The following PRKAG2 variants were observed in gnomAD, a reference collection of about 807,000 sequenced individuals.
The protein encoded by PRKAG2 is protein kinase AMP-activated non-catalytic subunit gamma 2, also known as 5'-AMP-activated protein kinase subunit gamma-2.
PRKAG2 carries 26 observed loss-of-function variants against 69.6 expected under a neutral mutation model. That is an observed-to-expected ratio of 0.37 (90% CI 0.27 to 0.52). The LOEUF (loss-of-function observed/expected upper bound fraction) is 0.52. Ranked by LOEUF, PRKAG2 falls within the 20% of genes least tolerant of loss-of-function variation. PRKAG2 has a pLI of 0.90. For synonymous variants in PRKAG2, 293 were observed against 285.0 expected (o/e 1.03, Z -0.28); for missense variants, 557 against 740.0 (o/e 0.75, Z 2.87).
rs116605521 is a variant in PRKAG2, at chr7:151,876,562, C to T, written c.59G>A (p.Ser20Asn). ...CTGGCTGGCATTTTTCTTGCCGCCG[C>T]TCCCGCCGGGGCTGGAAACATCTTT... is the stretch of plus-strand genomic sequence containing the variant. Reference protein sequence around the residue: ...KKKDVSSPGGSGGKKNASQKR... With the variant: ...KKKDVSSPGGNGGKKNASQKR... Residue 20 changes from serine (S) to asparagine (N), a missense_variant, in exon 1 of 16, where the codon AGC becomes AAC. By Grantham distance (46) the Ser-to-Asn change is conservative. Coordinates refer to ENST00000287878, the MANE Select transcript of PRKAG2 (RefSeq NM_016203.4). 6.2e-7 allele frequency: 1 copy of T among 1,610,380 alleles called. No individual in the cohort carries two copies. The highest frequency in any genetic ancestry group is 8.5e-7 in the Non-Finnish European group (1 of 1,179,974).
At chr7:151,586,545 T>C (rs778731481) in intron 6 of PRKAG2, among the ~76,000 whole-genome samples, 58 of 152,368 alleles carry the variant, frequency 3.8e-4, no homozygotes, top group Non-Finnish European at 6.2e-4. Flanking sequence ...TGCTAGAATG[T>C]GATTCATCTG....
rs2079535142 is a variant in PRKAG2, at chr7:151,850,194, G to A, written c.114+26313C>T. On this transcript the variant is annotated intron_variant, in intron 1 of 15. Transcript: ENST00000287878. The surrounding 1 kb of genome is among the most constrained non-coding windows in gnomAD (Gnocchi z 4.1). ...CCGTAGCACCAATTACCCATAGTGG[G>A]CACATCAAATGATTACACAGGGACA... 1.3e-5 allele frequency among the ~76,000 whole-genome samples: 2 copies of A among 152,162 alleles called. No homozygotes were observed. The highest frequency in any genetic ancestry group is 4.8e-5 in the African/African-American group (2 of 41,434).
At chr7:151,867,312 T>G (rs1187864664) in intron 1 of PRKAG2, among the ~76,000 whole-genome samples, 1 of 152,184 alleles carries the variant, frequency 6.6e-6, no homozygotes, top group Non-Finnish European at 1.5e-5. Context: ...ACAGAATGGA[T>G]TCTCTCATTG....
intron 3 of PRKAG2, among the ~76,000 whole-genome samples, chr7:151,686,197 G>A (rs988554015): frequency 2.0e-5 from 3 of 152,186 alleles, no homozygotes; most frequent in South Asian, 2.1e-4. Context: ...GATCCTGACC[G>A]ATGGGGCCAG....
chr7:151,752,563 A>T (rs1412783730), intron 3 of PRKAG2, among the ~76,000 whole-genome samples: 1 of 152,192 alleles, frequency 6.6e-6, no homozygotes, highest in African/African-American at 2.4e-5. Context: ...CCCCAAACCT[A>T]AAATAAAAAT....
chr7:151,832,794 T>C (rs960347981), intron 1 of PRKAG2, among the ~76,000 whole-genome samples: 2 of 151,958 alleles, frequency 1.3e-5, no homozygotes, highest in African/African-American at 4.8e-5. Flanking sequence ...CCCTCTTCTC[T>C]AGGTAATAAA....
intron 1 of PRKAG2, among the ~76,000 whole-genome samples, chr7:151,827,092 T>C (rs546467761): frequency 7.1e-4 from 108 of 152,350 alleles, no homozygotes; most frequent in Middle Eastern, 3.4e-3. Context: ...TGCAGACCAC[T>C]GGCTCTCAAC....
At chr7:151,730,050 A>G (rs568610197) in intron 3 of PRKAG2, among the ~76,000 whole-genome samples, 1 of 152,206 alleles carries the variant, frequency 6.6e-6, no homozygotes, top group Non-Finnish European at 1.5e-5. Context: ...GGCTTAGAAG[A>G]GACAGTTTCA....
At chr7:151,846,671 C>G (rs755990467) in intron 1 of PRKAG2, among the ~76,000 whole-genome samples, 3 of 152,008 alleles carry the variant, frequency 2.0e-5, no homozygotes, top group Non-Finnish European at 4.4e-5. Flanking sequence ...GGTGTGTATG[C>G]GTGTGCATGT....
chr7:151,735,943 AT>A (rs1289703146), intron 3 of PRKAG2: 1 of 1,536,150 alleles, frequency 6.5e-7, no homozygotes, highest in Admixed American at 2.0e-5. Context: ...CCGTGCTTCG[AT>A]TTTGGTCCTT....
At chr7:151,704,744 C>A (rs555238557) in intron 3 of PRKAG2, among the ~76,000 whole-genome samples, 83 of 152,318 alleles carry the variant, frequency 5.4e-4, no homozygotes, top group African/African-American at 1.8e-3. Flanking sequence ...CTGCAATCCA[C>A]GCGGCACCTA....
At chr7:151,683,111 C>T (rs1834133769) in intron 3 of PRKAG2, among the ~76,000 whole-genome samples, 2 of 152,234 alleles carry the variant, frequency 1.3e-5, no homozygotes, top group African/African-American at 2.4e-5. Flanking sequence ...GCAGCCAGGC[C>T]CAGTGAACAG....
At chr7:151,697,657 A>G (rs56765232) in intron 3 of PRKAG2, among the ~76,000 whole-genome samples, 94,216 of 151,928 alleles carry the variant, frequency 0.62, 30,231 homozygotes, top group African/African-American at 0.79. Context: ...ATAACCCCTT[A>G]GCTGTGGGGG....
intron 4 of PRKAG2, among the ~76,000 whole-genome samples, chr7:151,651,325 G>T (rs915725372): frequency 6.6e-6 from 1 of 152,120 alleles, no homozygotes; most frequent in African/African-American, 2.4e-5. Context: ...TACAAGATAG[G>T]GCTGGGCACG....
At chr7:151,626,246 T>A (rs1004407874) in intron 5 of PRKAG2, among the ~76,000 whole-genome samples, 1 of 152,178 alleles carries the variant, frequency 6.6e-6, no homozygotes, top group African/African-American at 2.4e-5. Context: ...GTCAGGGATC[T>A]TCCGGTGACA....
intron 1 of PRKAG2, among the ~76,000 whole-genome samples, chr7:151,852,582 G>A (rs1376502892): frequency 6.6e-6 from 1 of 152,002 alleles, no homozygotes; most frequent in Admixed American, 6.6e-5. Flanking sequence ...CCTGTAGGGG[G>A]GCATGTGGTA....
At chr7:151,657,395 T>C (rs1036739132) in intron 4 of PRKAG2, among the ~76,000 whole-genome samples, 1 of 152,136 alleles carries the variant, frequency 6.6e-6, no homozygotes, top group Admixed American at 6.5e-5. Flanking sequence ...CTCGTGCCAA[T>C]GTCCACTGTG....
chr7:151,752,341 G>T (rs1027200804), intron 3 of PRKAG2, among the ~76,000 whole-genome samples: 3 of 152,094 alleles, frequency 2.0e-5, no homozygotes, highest in Non-Finnish European at 2.9e-5. Context: ...TATGAGTGGG[G>T]GCTAAATAAT....
chr7:151,566,365 G>A (rs567345764), intron 11 of PRKAG2, among the ~76,000 whole-genome samples: 8 of 152,164 alleles, frequency 5.3e-5, no homozygotes, highest in African/African-American at 1.7e-4. Flanking sequence ...TAGTCCTCAC[G>A]CCACCCGCCT....
Sources: allele counts gnomAD v4.1 joint callset (sites outside exome capture counted in the v4.1 genomes callset), GRCh38; gene constraint gnomAD v4.1.1; non-coding constraint Gnocchi (gnomAD v3.1); transcripts MANE v1.5; gene names NCBI Gene and HGNC (gene_info 2026-07-23, HGNC 2026-07-21).